Variants in WWOX observed in about 807,000 individuals in gnomAD.
WWOX encodes the protein WW domain containing oxidoreductase, also known as WW domain-containing oxidoreductase.
In WWOX, 69 loss-of-function variants were observed where a neutral mutation model predicts 46.2. The ratio of observed to expected loss-of-function variants is 1.49; its 90% CI spans 1.23 to 1.82. WWOX has a LOEUF of 1.82. WWOX is among the 40% of genes most tolerant of loss of function. WWOX has a pLI of 0.00. For missense variants in WWOX, 919 were observed against 542.6 expected (o/e 1.69, Z -6.89); for synonymous variants, 359 against 202.6 (o/e 1.77, Z -6.56).
chr16:78,693,217 G>T (rs1009189415), intron 8 of WWOX, among the ~76,000 whole-genome samples: 4 of 152,068 alleles, frequency 2.6e-5, no homozygotes, highest in African/African-American at 9.7e-5. Context: ...TGTATTTCTG[G>T]CTGGGCATTG....
At chr16:79,034,322 C>G (rs2047823807) in intron 8 of WWOX, among the ~76,000 whole-genome samples, 1 of 152,186 alleles carries the variant, frequency 6.6e-6, no homozygotes, top group Non-Finnish European at 1.5e-5. Context: ...ACTTTCCTGA[C>G]ATCCATTTGG....
intron 5 of WWOX, among the ~76,000 whole-genome samples, chr16:78,346,069 T>C (rs1231413499): frequency 8.2e-6 from 1 of 121,412 alleles, no homozygotes; most frequent in Non-Finnish European, 2.0e-5. Context: ...CCTGGTCTGT[T>C]TTCTGTCACT....
intron 8 of WWOX, among the ~76,000 whole-genome samples, chr16:78,605,831 G>A (rs906225765): frequency 6.6e-6 from 1 of 152,140 alleles, no homozygotes; most frequent in Non-Finnish European, 1.5e-5. Flanking sequence ...TGGTTAAGTG[G>A]AGTGTGTGTG....
chr16:78,913,434 A>G (rs1170197076), intron 8 of WWOX, among the ~76,000 whole-genome samples: 2 of 151,902 alleles, frequency 1.3e-5, no homozygotes, highest in African/African-American at 2.4e-5. Context: ...CTGTCTTGCA[A>G]AACCCTCACG....
At chr16:79,084,052 G>T (rs915874003) in intron 8 of WWOX, among the ~76,000 whole-genome samples, 1 of 152,178 alleles carries the variant, frequency 6.6e-6, no homozygotes, top group African/African-American at 2.4e-5. Flanking sequence ...GGCAGAACCA[G>T]ACCATCGTGA....
At chr16:78,924,773 T>A (rs2045460720) in intron 8 of WWOX, among the ~76,000 whole-genome samples, 1 of 152,196 alleles carries the variant, frequency 6.6e-6, no homozygotes, top group African/African-American at 2.4e-5. Context: ...GTTTAAGTAT[T>A]TCTGTAATAC....
At chr16:78,956,013 T>C (rs1345027589) in intron 8 of WWOX, among the ~76,000 whole-genome samples, 1 of 148,826 alleles carries the variant, frequency 6.7e-6, no homozygotes, top group Admixed American at 6.7e-5. Context: ...CAAAAAAAAC[T>C]TTTTTTTTTA....
At chr16:78,533,501 G>T (rs1418380195) in intron 8 of WWOX, among the ~76,000 whole-genome samples, 1 of 152,058 alleles carries the variant, frequency 6.6e-6, no homozygotes, top group African/African-American at 2.4e-5. Flanking sequence ...GTCCTGGGCC[G>T]CATGTGGCCC....
intron 5 of WWOX, among the ~76,000 whole-genome samples, chr16:78,174,413 G>T (rs796701518): frequency 6.6e-6 from 1 of 152,192 alleles, no homozygotes; most frequent in South Asian, 2.1e-4. Flanking sequence ...CCCACAACAT[G>T]TGGGAATCCT....
In WWOX at chr16:78,424,920, G is replaced by T; in HGVS notation, c.656G>T (p.Ser219Ile). ...GCAGCAACTTTTGCTCTACCCTGGA[G>T]TCTCACCAAAGATGGCCTGGAGACC... The part of the protein sequence containing the change: ...CNAATFALPW[S>I]LTKDGLETTF... Residue 219 changes from serine to isoleucine, a missense_variant, in exon 7 of 9, where the codon AGT becomes ATT. By Grantham distance (142) the Ser-to-Ile change is moderately radical (BLOSUM62 -2). Coordinates refer to ENST00000566780, the MANE Select transcript of WWOX (RefSeq NM_016373.4). 2 of 1,614,156 alleles carry T rather than the reference G, an allele frequency of 1.2e-6. No homozygotes were observed. Among genetic ancestry groups the T allele is most frequent in the South Asian group, 1.1e-5 (1 of 91,078 alleles).
At chr16:78,888,275 C>T (rs369737088) in intron 8 of WWOX, among the ~76,000 whole-genome samples, 1 of 152,136 alleles carries the variant, frequency 6.6e-6, no homozygotes, top group Admixed American at 6.6e-5. Context: ...ACTTGAGAAC[C>T]CACTTTGGGC....
intron 8 of WWOX, chr16:78,892,183 G>A (rs2044605064): frequency 6.6e-6 from 1 of 152,034 alleles, no homozygotes; most frequent in Non-Finnish European, 1.5e-5. Context: ...CTAAGAAATT[G>A]CATACGAAAT....
intron 8 of WWOX, among the ~76,000 whole-genome samples, chr16:78,801,431 C>T (rs192056897): frequency 7.2e-5 from 11 of 152,266 alleles, no homozygotes; most frequent in Admixed American, 3.9e-4. Context: ...GTCACTTGAA[C>T]CCAGGAGGTA....
At chr16:78,128,863 G>C (rs1176276480) in intron 4 of WWOX, among the ~76,000 whole-genome samples, 1 of 152,176 alleles carries the variant, frequency 6.6e-6, no homozygotes, top group African/African-American at 2.4e-5. Flanking sequence ...CAGCAGCTAG[G>C]TTTGAGAAGC....
At chr16:78,416,859 T>C (rs1390624290) in intron 6 of WWOX, among the ~76,000 whole-genome samples, 1 of 152,132 alleles carries the variant, frequency 6.6e-6, no homozygotes, top group Non-Finnish European at 1.5e-5. Context: ...GGGAGGAGTA[T>C]ATTTAGTTTA....
At chr16:78,927,618 G>A (rs1438312126) in intron 8 of WWOX, among the ~76,000 whole-genome samples, 1 of 152,158 alleles carries the variant, frequency 6.6e-6, no homozygotes, top group Non-Finnish European at 1.5e-5. Flanking sequence ...ACTATTTGCA[G>A]TTGTATTTTC....
chr16:78,866,540 A>G (rs768297078), intron 8 of WWOX, among the ~76,000 whole-genome samples: 2 of 152,176 alleles, frequency 1.3e-5, no homozygotes, highest in Non-Finnish European at 2.9e-5. Flanking sequence ...GCTATCGATA[A>G]AAGCTAATGT....
At chr16:78,718,635 G>A (rs1330345811) in intron 8 of WWOX, among the ~76,000 whole-genome samples, 2 of 152,040 alleles carry the variant, frequency 1.3e-5, no homozygotes, top group Non-Finnish European at 2.9e-5. Context: ...TTGAGCCCAG[G>A]ATTTTGAGGC....
intron 8 of WWOX, among the ~76,000 whole-genome samples, chr16:78,878,109 C>G (rs1292356587): frequency 1.3e-5 from 2 of 152,162 alleles, no homozygotes; most frequent in Non-Finnish European, 2.9e-5. Context: ...TAAGTATCCA[C>G]TGGGGTTCGG....
Sources: gnomAD v4.1 joint callset for allele counts (sites outside exome capture counted in the v4.1 genomes callset) on GRCh38, gnomAD v4.1.1 for gene constraint, MANE v1.5 for transcripts, NCBI Gene and HGNC (gene_info 2026-07-23, HGNC 2026-07-21) for gene names.